Variants in ATP13A1 observed in about 807,000 individuals in gnomAD.
ATP13A1 encodes ATPase 13A1.
ATP13A1 carries 55 observed loss-of-function variants against 134.8 expected under a neutral mutation model. That is an observed-to-expected ratio of 0.41 (90% CI 0.33 to 0.51). The LOEUF is 0.51. ATP13A1 is among the 20% of genes least tolerant of loss of function. The probability of loss-of-function intolerance (pLI) is 0.29; values close to 1 mark genes in which losing one functional copy is unlikely to be tolerated. For synonymous variants in ATP13A1, 775 were observed against 725.1 expected, an observed-to-expected ratio of 1.07 and a Z score of -1.10; for missense variants, 1,389 against 1,652.8, an observed-to-expected ratio of 0.84 and a Z score of 2.77.
Position 19,653,030 on chromosome 19 carries a change from A to C in ATP13A1, c.2101-310T>G, listed in dbSNP as rs1391734465. ...AGTCAATGAAGTAGGGACTCTCCCA[A>C]TAATGTTGGAGTTTAGCCAGGAACT... On this transcript the variant is annotated intron_variant, in intron 15 of 25. Coordinates refer to ENST00000357324, the MANE Select transcript of ATP13A1 (RefSeq NM_020410.3). The surrounding 1 kb of genome is among the most constrained non-coding windows in gnomAD (Gnocchi z 4.2). 2.9e-6 allele frequency: 1 copy of C among 344,378 alleles called. No individual in the cohort carries two copies. The highest frequency in any genetic ancestry group is 5.4e-6 in the Non-Finnish European group (1 of 185,046). 21.3% of individuals were successfully genotyped at this position (344,378 alleles called of 1,614,324 possible). A position where few individuals can be genotyped will look rare whatever the true frequency, so the allele number is the denominator to read the frequency against.
At chr19:19,651,439 A>T (rs546671643) in intron 17 of ATP13A1, 27 of 393,406 alleles carry the variant, frequency 6.9e-5, no homozygotes, top group Admixed American at 4.0e-4. Context: ...AGGAAACCCG[A>T]GCTGGCAGTC....
chr19:19,646,449 T>G, intron 22 of ATP13A1, 102 bp from the exon 23 acceptor site: 1 of 1,382,674 alleles, frequency 7.2e-7, no homozygotes, highest in Non-Finnish European at 1.0e-6. Context: ...GGAGACCTTG[T>G]GTACAGCCAC....
rs1381327724 is a variant in ATP13A1, at chr19:19,654,663, C to T, written c.1693G>A (p.Val565Ile). ...KEVTPVSSIPVETHRALASCH... is the reference protein window; with the variant it reads ...KEVTPVSSIPIETHRALASCH... ...GAGGCCAGGGCCCGGTGTGTTTCTA[C>T]AGGGATGCTGGACACTGGGGTCACC... Residue 565 changes from valine to isoleucine, a missense_variant, in exon 13 of 26, where the codon GTA (valine) becomes ATA (isoleucine). Around this residue, in one of 4 missense-constraint regions of ATP13A1, gnomAD observed 747 missense variants for 956.1 expected, o/e 0.78. Transcript: ENST00000357324. 2 of 1,613,314 alleles carry T rather than the reference C, an allele frequency of 1.2e-6. No homozygotes were observed. The highest frequency in any genetic ancestry group is 1.7e-6 in the Non-Finnish European group (2 of 1,179,822).
At chr19:19,649,710 G>A in intron 18 of ATP13A1, 31 bp downstream of exon 18, 1 of 1,613,242 alleles carries the variant, frequency 6.2e-7, no homozygotes, top group African/African-American at 1.3e-5. Flanking sequence ...GCCTACCGCT[G>A]TGCCCCTGAC....
chr19:19,650,099 C>A (rs1158625227), intron 17 of ATP13A1, 159 bp from the exon 18 acceptor site: 3 of 654,326 alleles, frequency 4.6e-6, no homozygotes, highest in Admixed American at 2.9e-5. Context: ...GGGGACTCCA[C>A]AAAGAATGTC....
chr19:19,661,656 C>T (rs552791540), intron 1 of ATP13A1, among the ~76,000 whole-genome samples: 2 of 152,330 alleles, frequency 1.3e-5, no homozygotes, highest in South Asian at 2.1e-4. Context: ...TCCCCAGCAC[C>T]TAAGACACAG....
chr19:19,663,230 C>A (rs567165496), intron 1 of ATP13A1, 41 bp downstream of exon 1: 51 of 1,557,052 alleles, frequency 3.3e-5, no homozygotes, highest in Non-Finnish European at 4.3e-5. Flanking sequence ...CACGGCGAGG[C>A]TCGACCGTGC....
chr19:19,663,539 A>G lies in ATP13A1; in HGVS notation c.128T>C (p.Ile43Thr), dbSNP rs1203943910. The change falls in exon 1 of 26, where the codon ATA becomes ACA. Residue 43 changes from isoleucine (I) to threonine (T), a missense_variant. Transcript: ENST00000357324. ...RALLAAGPALIANGDELVAAV... is the reference protein window; with the variant it reads ...RALLAAGPALTANGDELVAAV... ...AGCCACCAGCTCGTCACCGTTCGCT[A>G]TGAGCGCCGGCCCGGCGGCAAGGAG... 5 of 1,524,114 alleles carry G rather than the reference A, an allele frequency of 3.3e-6. No homozygotes were observed. Among genetic ancestry groups the G allele is most frequent in the Non-Finnish European group, 4.4e-6 (5 of 1,142,880 alleles). The allele number at this position is 1,524,114 out of a possible 1,614,324, so 94.4% of individuals were successfully genotyped here. A position where few individuals can be genotyped will look rare whatever the true frequency, so the allele number is the denominator to read the frequency against.
chr19:19,658,430 T>C (rs2062073644), intron 3 of ATP13A1, among the ~76,000 whole-genome samples: 2 of 152,224 alleles, frequency 1.3e-5, no homozygotes, highest in Non-Finnish European at 1.5e-5. Context: ...GGGAACGTAG[T>C]TGCCACAGGC....
At position 19,649,764 on chromosome 19, in the gene ATP13A1, C is replaced by T. The variant is rs777080561; in HGVS notation, c.2512G>A (p.Ala838Thr). The T allele has an allele frequency of 3.1e-5, 49 of 1,600,118 alleles. No individual in the cohort carries two copies. The highest frequency in any genetic ancestry group is 1.7e-4 in the Middle Eastern group (1 of 6,060). The change falls in exon 18 of 26, where the codon GCC becomes ACC. Residue 838 changes from alanine to threonine, a missense_variant. Ala to Thr is a moderately conservative substitution (Grantham distance 58). This residue lies in a region of ATP13A1 where 747 missense variants were observed against 956.1 expected (regional missense o/e 0.78). Coordinates refer to ENST00000357324, the MANE Select transcript of ATP13A1 (RefSeq NM_020410.3). Reference sequence around the variant, plus strand: ...ACCTTCTGCTTGGGAGCCACACGGGCGAACACCTGCACATGGGGGATGAGG... The same window carrying T: ...ACCTTCTGCTTGGGAGCCACACGGGTGAACACCTGCACATGGGGGATGAGG... ...LRLIPHVQVF[A>T]RVAPKQKEFV...
In ATP13A1 at chr19:19,663,628, G is replaced by A; in HGVS notation, c.39C>T (p.Cys13=). 2 of 1,340,604 alleles carry A rather than the reference G, an allele frequency of 1.5e-6. No individual in the cohort carries two copies. Among genetic ancestry groups the A allele is most frequent in the Admixed American group, 3.7e-5 (1 of 27,146 alleles). 83.0% of individuals were successfully genotyped at this position (1,340,604 alleles called of 1,614,324 possible). The change falls in exon 1 of 26, where the codon TGC becomes TGT. Residue 13 remains cysteine, a synonymous_variant. Transcript: ENST00000357324. ...AAAAVGNAVP[C]GARPCGVRPD... ...GCCGGACCCCGCAAGGCCGGGCCCCGCAGGGCACCGCGTTGCCCACCGCCG... is the reference window on the plus strand; with the variant it reads ...GCCGGACCCCGCAAGGCCGGGCCCCACAGGGCACCGCGTTGCCCACCGCCG...
At chr19:19,652,898 G>T in intron 15 of ATP13A1, 178 bp from the exon 16 acceptor site, 1 of 883,628 alleles carries the variant, frequency 1.1e-6, no homozygotes, top group Non-Finnish European at 1.7e-6. Context: ...GCACGCTTGA[G>T]GGGTGGGATC....
Position 19,659,318 on chromosome 19 carries a change from T to C in ATP13A1, c.677+283A>G, listed in dbSNP as rs371504502. Among the ~76,000 whole-genome samples the C allele has an allele frequency of 2.4e-4, 37 of 152,086 alleles. No homozygotes were observed. In the East Asian group the frequency reaches 3.5e-3, roughly 14 times the overall value. On this transcript the variant is annotated intron_variant, in intron 3 of 25. Coordinates refer to ENST00000357324, the MANE Select transcript of ATP13A1 (RefSeq NM_020410.3). ...TAAAAATACAAAAATTAGCCAGGCGTGGTGGGGGGAGCCTGTATTCCCAGC... is the reference window on the plus strand; with the variant it reads ...TAAAAATACAAAAATTAGCCAGGCGCGGTGGGGGGAGCCTGTATTCCCAGC...
intron 17 of ATP13A1, chr19:19,650,532 C>CG: frequency 6.4e-6 from 1 of 155,728 alleles, no homozygotes; most frequent in Non-Finnish European, 1.4e-5. Context: ...AGCTGAAGGG[C>CG]AGCACACTTC....
chr19:19,657,942 A>G (rs1407350315), intron 3 of ATP13A1, among the ~76,000 whole-genome samples: 1 of 152,042 alleles, frequency 6.6e-6, no homozygotes, highest in Non-Finnish European at 1.5e-5. Context: ...TGAGCCCAGG[A>G]GTCAGAGACT....
chr19:19,649,889 G>T lies in ATP13A1; in HGVS notation c.2387C>A (p.Ala796Asp). Residue 796 changes from alanine to aspartate, a missense_variant, in exon 18 of 26, where the codon GCC (alanine) becomes GAC (aspartate). Around this residue, in one of 4 missense-constraint regions of ATP13A1, gnomAD observed 747 missense variants for 956.1 expected, o/e 0.78. Coordinates refer to ENST00000357324, the MANE Select transcript of ATP13A1 (RefSeq NM_020410.3). Reference sequence around the variant, plus strand: ...GGCCAGTGCCTTTGGGGAGCCCCGGGCCAGGGGCAGCACGATGCTGCCGTC... The same window carrying T: ...GGCCAGTGCCTTTGGGGAGCCCCGGTCCAGGGGCAGCACGATGCTGCCGTC... ...SIDGSIVLPL[A>D]RGSPKALALE... 1.2e-6 allele frequency: 2 copies of T among 1,600,898 alleles called. No individual in the cohort carries two copies. Among genetic ancestry groups the T allele is most frequent in the Non-Finnish European group, 1.7e-6 (2 of 1,179,500 alleles).
At chr19:19,652,948 C>G in intron 15 of ATP13A1, 1 of 565,928 alleles carries the variant, frequency 1.8e-6, no homozygotes, top group Non-Finnish European at 3.1e-6. Flanking sequence ...GAATGTGGCT[C>G]TATGTCCTGC....
chr19:19,648,506 A>T (rs1216598907), intron 19 of ATP13A1, among the ~76,000 whole-genome samples: 3 of 150,004 alleles, frequency 2.0e-5, no homozygotes, highest in Non-Finnish European at 4.4e-5. Flanking sequence ...TGCAAAAAAA[A>T]AAAAAGAAAA....
At chr19:19,652,753 T>C in intron 15 of ATP13A1, 33 bp from the exon 16 acceptor site, 1 of 1,579,882 alleles carries the variant, frequency 6.3e-7, no homozygotes, top group Non-Finnish European at 8.6e-7. Context: ...TCACCATCTG[T>C]CCCTCCCTCT....
Sources: allele counts gnomAD v4.1 joint callset (sites outside exome capture counted in the v4.1 genomes callset), GRCh38; gene constraint gnomAD v4.1.1; regional missense constraint gnomAD v4.1.1; non-coding constraint Gnocchi (gnomAD v3.1); transcripts MANE v1.5; gene names NCBI Gene and HGNC (gene_info 2026-07-23, HGNC 2026-07-21).